Variants in XPC observed in about 807,000 individuals in gnomAD.
XPC encodes the protein DNA repair protein complementing XP-C cells.
Under a neutral mutation model 95.8 loss-of-function variants are expected in XPC, and 76 were observed. That is an observed-to-expected ratio of 0.79 (90% confidence interval 0.66 to 0.96). The LOEUF (loss-of-function observed/expected upper bound fraction) is 0.96, where lower values mean the gene tolerates loss of function less well. XPC is among the 40% of genes least tolerant of loss of function. The pLI is 0.00. For missense variants in XPC, 1,146 were observed against 1,179.8 expected (o/e 0.97, Z 0.42); for synonymous variants, 442 against 442.1 (o/e 1.00, Z 0.00).
In XPC at chr3:14,178,466, C is replaced by T. The variant is rs775816530; in HGVS notation, c.103G>A (p.Asp35Asn). The change falls in exon 1 of 16, where the codon GAT becomes AAT. Residue 35 changes from aspartate to asparagine, a missense_variant and splice_region_variant. Transcript: ENST00000285021. ...SKARREEEEE[D>N]AFEDEKPPKK... ...GAAGCCCGCTGGGCCTCGCTCTCAC[C>T]CTCCTCCTCCTCCTCACGCCGGGCC... 2.7e-6 allele frequency: 4 copies of T among 1,480,162 alleles called. No homozygotes were observed. The highest frequency in any genetic ancestry group is 1.3e-5 in the South Asian group (1 of 78,208). 91.7% of individuals were successfully genotyped at this position (1,480,162 alleles called of 1,614,324 possible).
At chr3:14,152,168 T>C in intron 11 of XPC, 167 bp downstream of exon 11, 2 of 568,800 alleles carry the variant, frequency 3.5e-6, no homozygotes, top group Non-Finnish European at 6.1e-6. Context: ...ACAATTTAAA[T>C]GTTTCTCTCC....
At chr3:14,178,082 G>A (rs749906956) in intron 1 of XPC, among the ~76,000 whole-genome samples, 2 of 152,192 alleles carry the variant, frequency 1.3e-5, no homozygotes, top group Non-Finnish European at 2.9e-5. Context: ...CTCTGGGTGA[G>A]ACTCAGCTGA....
rs753409560 is a variant in XPC at position 14,178,569 on chromosome 3, G to A, written c.-1C>T. ...CGCCGGCCGCGCGTTTCCGAGCCATGTTGCTTGTCTGGGCAAATTCCACTT... is the reference window on the plus strand; with the variant it reads ...CGCCGGCCGCGCGTTTCCGAGCCATATTGCTTGTCTGGGCAAATTCCACTT... On this transcript the variant is annotated 5_prime_UTR_variant, in exon 1 of 16. Transcript: ENST00000285021. 1.9e-6 allele frequency: 3 copies of A among 1,612,500 alleles called. No individual in the cohort carries two copies. The highest frequency in any genetic ancestry group is 2.5e-6 in the Non-Finnish European group (3 of 1,179,160).
intron 10 of XPC, among the ~76,000 whole-genome samples, chr3:14,153,990 AG>A (rs1695801265): frequency 6.6e-6 from 1 of 152,232 alleles, no homozygotes; most frequent in South Asian, 2.1e-4. Context: ...CGGGTAAAAA[AG>A]GGGTCTTAGG....
intron 13 of XPC, 104 bp from the exon 14 acceptor site, chr3:14,148,105 G>A: frequency 1.0e-6 from 1 of 973,192 alleles, no homozygotes; most frequent in South Asian, 1.7e-5. Flanking sequence ...GAGCACTAGG[G>A]GTCCTGAAGG....
chr3:14,178,504 T>C lies in XPC; in HGVS notation c.65A>G (p.Lys22Arg). ...RGRELRSQKS[K>R]AKSKARREEE... ...CTCACGCCGGGCCTTGCTCTTGGCCTTGGATTTCTGGCTGCGCAGTTCGCG... is the reference window on the plus strand; with the variant it reads ...CTCACGCCGGGCCTTGCTCTTGGCCCTGGATTTCTGGCTGCGCAGTTCGCG... Residue 22 changes from lysine (K) to arginine (R), a missense_variant, in exon 1 of 16, where the codon AAG (lysine) becomes AGG (arginine). Lys to Arg is a conservative substitution (Grantham distance 26). Transcript: ENST00000285021. 1 of 1,612,696 alleles carries C rather than the reference T, an allele frequency of 6.2e-7. No individual in the cohort carries two copies. Among genetic ancestry groups the C allele is most frequent in the Non-Finnish European group, 8.5e-7 (1 of 1,179,462 alleles).
chr3:14,156,805 C>A (rs1695931300), intron 9 of XPC, among the ~76,000 whole-genome samples: 2 of 152,348 alleles, frequency 1.3e-5, no homozygotes, highest in Middle Eastern at 3.4e-3. Flanking sequence ...GGAAGAAAAA[C>A]ACACAGTGCT....
Position 14,148,872 on chromosome 3 carries a change from C to A in XPC, c.2192G>T (p.Gly731Val). ...EPQLREENDL[G>V]LFGYWQTEEY... Reference sequence around the variant, plus strand: ...CTCTGTCTGCCAGTAGCCAAACAGGCCCAGGTCATTTTCTTCCCGCAGCTG... The same window carrying A: ...CTCTGTCTGCCAGTAGCCAAACAGGACCAGGTCATTTTCTTCCCGCAGCTG... Residue 731 changes from glycine (G) to valine (V), a missense_variant, in exon 12 of 16, where the codon GGC becomes GTC. Transcript: ENST00000285021. 6.2e-7 allele frequency: 1 copy of A among 1,613,998 alleles called. No homozygotes were observed. The highest frequency in any genetic ancestry group is 2.2e-5 in the East Asian group (1 of 44,874).
intron 10 of XPC, among the ~76,000 whole-genome samples, chr3:14,154,977 T>C (rs1016263273): frequency 1.3e-5 from 2 of 152,208 alleles, no homozygotes; most frequent in Non-Finnish European, 2.9e-5. Context: ...CTGCATTCTC[T>C]TCCCAACAGG....
At chr3:14,175,283 C>G (rs1465951470) in intron 1 of XPC, among the ~76,000 whole-genome samples, 3 of 152,156 alleles carry the variant, frequency 2.0e-5, no homozygotes, top group African/African-American at 7.2e-5. Context: ...TTACAAAGGC[C>G]TTCCCTGACA....
At chr3:14,147,140 A>T in intron 15 of XPC, 150 bp downstream of exon 15, 1 of 800,552 alleles carries the variant, frequency 1.2e-6, no homozygotes, top group Non-Finnish European at 2.0e-6. Context: ...AGGTAAAAAC[A>T]AGCGGCCTTA....
In XPC at chr3:14,158,568, C is replaced by T; in HGVS notation, c.1315G>A (p.Ala439Thr). The T allele has an allele frequency of 6.2e-7, 1 of 1,613,564 alleles. No homozygotes were observed. The highest frequency in any genetic ancestry group is 8.5e-7 in the Non-Finnish European group (1 of 1,179,868). Residue 439 changes from alanine (A) to threonine (T), a missense_variant, in exon 9 of 16, where the codon GCT becomes ACT. Coordinates refer to ENST00000285021, the MANE Select transcript of XPC (RefSeq NM_004628.5). This position sits in a 1 kb window ranked among gnomAD's most constrained non-coding sequence, Gnocchi z 5.2. ...AGCTCAAAATCAGAGCCGCTGCCAG[C>T]CTCATCACTCCCACTCTCCTCTTTA... ...SYKEESGSDE[A>T]GSGSDFELSS...
intron 1 of XPC, among the ~76,000 whole-genome samples, chr3:14,176,700 G>A (rs1443733963): frequency 6.6e-6 from 1 of 152,202 alleles, no homozygotes; most frequent in African/African-American, 2.4e-5. Flanking sequence ...AACCGGTATA[G>A]AAACAGAATC....
At chr3:14,162,411 T>C (rs554988664) in intron 7 of XPC, among the ~76,000 whole-genome samples, 7 of 152,230 alleles carry the variant, frequency 4.6e-5, no homozygotes, top group African/African-American at 4.8e-5. Flanking sequence ...AAAACAGTGT[T>C]GTACTGGCGT....
intron 5 of XPC, 110 bp from the exon 6 acceptor site, chr3:14,165,695 T>C: frequency 1.5e-6 from 2 of 1,320,008 alleles, no homozygotes; most frequent in South Asian, 1.4e-5. Flanking sequence ...TGTGTTGCCA[T>C]TTCTACATAT....
rs1428853945 is a variant in XPC at position 14,159,741 on chromosome 3, C to T, written c.990G>A (p.Lys330=). ...QPIPLKSATA[K]GKKPSKERLT... ...TCTCTGGCAGCCCTGCGCACCTCAC[C>T]TTTGCTGTTGCTGACTTCAGAGGAA... Residue 330 remains lysine (K), a splice_region_variant and synonymous_variant, in exon 8 of 16, where the codon AAG becomes AAA. Transcript: ENST00000285021. 1 of 1,560,204 alleles carries T rather than the reference C, an allele frequency of 6.4e-7. No homozygotes were observed. Among genetic ancestry groups the T allele is most frequent in the Admixed American group, 1.9e-5 (1 of 52,152 alleles).
intron 7 of XPC, among the ~76,000 whole-genome samples, chr3:14,163,027 T>G (rs565322670): frequency 6.6e-6 from 1 of 152,294 alleles, no homozygotes; most frequent in African/African-American, 2.4e-5. Context: ...CATCATCATG[T>G]CATTGGAGAA....
At chr3:14,167,885 G>A (rs992434181) in intron 4 of XPC, among the ~76,000 whole-genome samples, 11 of 152,322 alleles carry the variant, frequency 7.2e-5, no homozygotes, top group African/African-American at 2.6e-4. Context: ...AAATGTGAAT[G>A]CCAAGTCAAT....
At chr3:14,165,697 T>G (rs1696351759) in intron 5 of XPC, 112 bp from the exon 6 acceptor site, 1 of 1,312,846 alleles carries the variant, frequency 7.6e-7, no homozygotes, top group Admixed American at 2.1e-5. Context: ...TGTTGCCATT[T>G]CTACATATAA....
Sources: gnomAD v4.1 joint callset for allele counts (sites outside exome capture counted in the v4.1 genomes callset) on GRCh38, gnomAD v4.1.1 for gene constraint, Gnocchi (gnomAD v3.1) non-coding constraint, MANE v1.5 for transcripts, NCBI Gene and HGNC (gene_info 2026-07-23, HGNC 2026-07-21) for gene names.